Variants in PDE1A observed in about 807,000 individuals in gnomAD.
The protein encoded by PDE1A is phosphodiesterase 1A.
A neutral mutation model predicts 61.7 loss-of-function variants in PDE1A; 35 were observed. That is an observed-to-expected ratio of 0.57 (90% CI 0.43 to 0.75). The LOEUF is 0.75. PDE1A is among the 30% of genes least tolerant of loss of function. PDE1A has a pLI of 0.00. For missense variants in PDE1A, 597 were observed against 630.6 expected (o/e 0.95, Z 0.57); for synonymous variants, 232 against 213.2 (o/e 1.09, Z -0.77).
chr2:182,288,095 A>T (rs983201795), intron 1 of PDE1A, among the ~76,000 whole-genome samples: 1 of 152,160 alleles, frequency 6.6e-6, no homozygotes, highest in South Asian at 2.1e-4. Flanking sequence ...AACATTTGAT[A>T]AGTGTTTCAG....
rs115288546 is a variant in PDE1A at position 182,218,778 on chromosome 2, A to T, written c.776+5086T>A. ...GGTAGATTATATTAGTTGAATTATGAATGTTGAGCCAGACTTGCATACCTG... is the reference window on the plus strand; with the variant it reads ...GGTAGATTATATTAGTTGAATTATGTATGTTGAGCCAGACTTGCATACCTG... On this transcript the variant is annotated intron_variant, in intron 7 of 13. Transcript: ENST00000351439. Among the ~76,000 whole-genome samples, 1,083 of 152,168 alleles carry T rather than the reference A, an allele frequency of 7.1e-3. 6 individuals carry two copies. Among genetic ancestry groups the T allele is most frequent in the Non-Finnish European group, 0.011 (746 of 67,982 alleles).
chr2:182,630,546 C>A, the PDE1A span, among the ~76,000 whole-genome samples: 40 of 108,264 alleles, frequency 3.7e-4, no homozygotes, highest in Non-Finnish European at 7.2e-4. Flanking sequence ...TTTCTTTAAT[C>A]CTCTTTTTTA....
At chr2:182,710,183 C>G in the PDE1A span, among the ~76,000 whole-genome samples, 2 of 152,226 alleles carry the variant, frequency 1.3e-5, no homozygotes, top group Admixed American at 6.5e-5. Context: ...GCGTGAGCCA[C>G]TGCACCTGGC....
intron 2 of PDE1A, among the ~76,000 whole-genome samples, chr2:182,464,143 A>G (rs1197808175): frequency 9.9e-5 from 15 of 152,074 alleles, no homozygotes; most frequent in African/African-American, 2.4e-5. Context: ...AAAATTTTCT[A>G]TGTTTTCTTT....
chr2:182,688,545 G>C, the PDE1A span, among the ~76,000 whole-genome samples: 1 of 152,138 alleles, frequency 6.6e-6, no homozygotes, highest in East Asian at 1.9e-4. Flanking sequence ...ACATGGAAAG[G>C]AACAACCGGT....
chr2:182,411,542 T>C (rs1332177661), intron 1 of PDE1A, among the ~76,000 whole-genome samples: 1 of 152,198 alleles, frequency 6.6e-6, no homozygotes, highest in East Asian at 1.9e-4. Flanking sequence ...TATACCTATG[T>C]TCACCTTTAG....
At chr2:182,612,571 T>TA in the PDE1A span, among the ~76,000 whole-genome samples, 30 of 152,334 alleles carry the variant, frequency 2.0e-4, no homozygotes, top group African/African-American at 7.2e-4. Flanking sequence ...CCTTGTATCA[T>TA]AAAGGCCACA....
chr2:182,226,951 T>C (rs142768202), intron 6 of PDE1A, among the ~76,000 whole-genome samples: 1 of 152,094 alleles, frequency 6.6e-6, no homozygotes, highest in East Asian at 1.9e-4. Context: ...TCTCATTTAA[T>C]TCTTAAAACC....
intron 1 of PDE1A, among the ~76,000 whole-genome samples, chr2:182,319,184 CT>C (rs1324330940): frequency 6.6e-6 from 1 of 152,112 alleles, no homozygotes; most frequent in Non-Finnish European, 1.5e-5. Flanking sequence ...AGAGGATCTA[CT>C]GACTGAAATT....
intron 2 of PDE1A, among the ~76,000 whole-genome samples, chr2:182,462,489 T>A (rs1364064304): frequency 6.6e-6 from 1 of 151,824 alleles, no homozygotes; most frequent in Non-Finnish European, 1.5e-5. Context: ...GAGGGACAAG[T>A]GACAAGGACA....
intron 1 of PDE1A, among the ~76,000 whole-genome samples, chr2:182,396,957 A>C (rs778310649): frequency 1.3e-5 from 2 of 152,162 alleles, no homozygotes; most frequent in Non-Finnish European, 2.9e-5. Context: ...GCATCTAAGA[A>C]ACAACATAGC....
upstream of PDE1A, among the ~76,000 whole-genome samples, chr2:182,427,423 A>T (rs1703689224): frequency 6.6e-6 from 1 of 152,166 alleles, no homozygotes; most frequent in African/African-American, 2.4e-5. Flanking sequence ...TCTACTGGTG[A>T]CATTATACCC....
the PDE1A span, among the ~76,000 whole-genome samples, chr2:182,626,775 A>G: frequency 7.9e-4 from 3 of 3,786 alleles, no homozygotes; most frequent in African/African-American, 1.6e-3. Flanking sequence ...ATATATACAT[A>G]TATATACATA....
At chr2:182,222,168 A>G (rs547484812) in intron 7 of PDE1A, among the ~76,000 whole-genome samples, 2 of 152,140 alleles carry the variant, frequency 1.3e-5, no homozygotes, top group African/African-American at 4.8e-5. Flanking sequence ...AGGTGAATAG[A>G]TAAACAAACT....
chr2:182,394,656 G>T (rs981232487), intron 1 of PDE1A, among the ~76,000 whole-genome samples: 2 of 152,194 alleles, frequency 1.3e-5, no homozygotes, highest in South Asian at 4.1e-4. Context: ...GTAATTAATG[G>T]ATTGTTAGTT....
intron 1 of PDE1A, among the ~76,000 whole-genome samples, chr2:182,316,687 G>T (rs1696358949): frequency 6.6e-6 from 1 of 152,096 alleles, no homozygotes; most frequent in South Asian, 2.1e-4. Flanking sequence ...TTTTAAAACT[G>T]CATGACAATA....
chr2:182,481,942 G>C (rs1024900049), intron 2 of PDE1A, among the ~76,000 whole-genome samples: 1 of 151,898 alleles, frequency 6.6e-6, no homozygotes, highest in Non-Finnish European at 1.5e-5. Flanking sequence ...GCAGCTGAGT[G>C]ACCAATGTAA....
intron 2 of PDE1A, among the ~76,000 whole-genome samples, chr2:182,257,397 A>G (rs918596754): frequency 2.0e-5 from 3 of 152,220 alleles, no homozygotes; most frequent in Non-Finnish European, 4.4e-5. Flanking sequence ...GCTTTATTTT[A>G]CCTTCAGTGC....
intron 13 of PDE1A, 42 bp downstream of exon 13, chr2:182,185,850 A>C (rs1436181833): frequency 1.2e-6 from 2 of 1,612,022 alleles, no homozygotes; most frequent in Admixed American, 3.3e-5. Flanking sequence ...GGAGAAGTGA[A>C]GACAGAGAGA....
Sources: gnomAD v4.1 joint callset for allele counts (sites outside exome capture counted in the v4.1 genomes callset) on GRCh38, gnomAD v4.1.1 for gene constraint, MANE v1.5 for transcripts, NCBI Gene and HGNC (gene_info 2026-07-23, HGNC 2026-07-21) for gene names.